Variants in CDC42BPB observed in about 807,000 individuals in gnomAD.
CDC42BPB encodes the protein serine/threonine-protein kinase MRCK beta.
A neutral mutation model predicts 214.9 loss-of-function variants in CDC42BPB; 37 were observed. The ratio of observed to expected loss-of-function variants is 0.17; its 90% CI spans 0.13 to 0.23. CDC42BPB has a LOEUF of 0.23. Among genes scored for constraint, CDC42BPB ranks in the 10% least tolerant of loss-of-function variants. CDC42BPB has a pLI of 1.00. For synonymous variants in CDC42BPB, 931 were observed against 884.0 expected (o/e 1.05, Z -0.94); for missense variants, 1,694 against 2,227.0 (o/e 0.76, Z 4.82).
Position 102,952,411 on chromosome 14 carries a change from C to T in CDC42BPB, c.3172+87G>A, listed in dbSNP as rs148149861. 60 of 798,116 alleles carry T rather than the reference C, an allele frequency of 7.5e-5. No homozygotes were observed. In the African/African-American group the frequency reaches 9.3e-4, roughly 12 times the overall value. The allele number at this position is 798,116 out of a possible 1,614,324, so 49.4% of individuals were successfully genotyped here. A position where few individuals can be genotyped will look rare whatever the true frequency, so the allele number is the denominator to read the frequency against. ...TCACTTTAGTTTGGTTTGCTTGCAT[C>T]AGGGCTGCCCTGGAGCCGGCTGGTG... is the stretch of plus-strand genomic sequence containing the variant. On this transcript the variant is annotated intron_variant, in intron 24 of 36. Transcript: ENST00000361246.
intron 1 of CDC42BPB, among the ~76,000 whole-genome samples, chr14:103,031,987 A>AT (rs751445023): frequency 0.019 from 2,780 of 145,950 alleles, 36 homozygotes; most frequent in African/African-American, 0.023. Context: ...TATTATTATT[A>AT]TTATTTTTTT....
chr14:103,042,900 C>T (rs1028104652), intron 1 of CDC42BPB, among the ~76,000 whole-genome samples: 15 of 152,152 alleles, frequency 9.9e-5, no homozygotes, highest in South Asian at 6.2e-4. Context: ...AGCCTTCACA[C>T]GACCCAGCAA....
chr14:102,937,193 C>T (rs1891679924), intron 36 of CDC42BPB: 1 of 152,384 alleles, frequency 6.6e-6, no homozygotes, highest in Admixed American at 6.5e-5. Context: ...AATCCCATGA[C>T]CAGGAAACAG....
intron 12 of CDC42BPB, 107 bp downstream of exon 12, chr14:102,973,909 C>G (rs1384122865): frequency 1.5e-6 from 2 of 1,366,876 alleles, no homozygotes; most frequent in African/African-American, 2.9e-5. Flanking sequence ...GCAGGGACAG[C>G]CCATGGGCAG....
chr14:103,035,984 T>C (rs576024697), intron 1 of CDC42BPB, among the ~76,000 whole-genome samples: 1 of 152,194 alleles, frequency 6.6e-6, no homozygotes, highest in East Asian at 1.9e-4. Context: ...AAACCTCATC[T>C]GTACAAAAAT....
chr14:102,972,281 G>T, intron 12 of CDC42BPB, 120 bp from the exon 13 acceptor site: 1 of 1,529,732 alleles, frequency 6.5e-7, no homozygotes. Context: ...TTACAGATTA[G>T]AGCCACAGAT....
intron 9 of CDC42BPB, among the ~76,000 whole-genome samples, chr14:102,976,761 G>A (rs774466738): frequency 1.2e-4 from 18 of 152,250 alleles, no homozygotes; most frequent in Admixed American, 3.3e-4. Context: ...CAGGTGGTCT[G>A]AGGGTGCTGG....
chr14:103,051,355 G>A (rs1888596333), intron 1 of CDC42BPB, among the ~76,000 whole-genome samples: 1 of 149,648 alleles, frequency 6.7e-6, no homozygotes, highest in African/African-American at 2.5e-5. Context: ...CGTGGTCAAG[G>A]ACTAATAGGT....
intron 5 of CDC42BPB, among the ~76,000 whole-genome samples, chr14:102,989,173 G>T (rs1167196125): frequency 1.3e-5 from 2 of 152,104 alleles, no homozygotes; most frequent in African/African-American, 4.8e-5. Context: ...TCAACATCAC[G>T]AGAAAGGTGA....
At chr14:102,946,431 C>T in intron 28 of CDC42BPB, 37 bp downstream of exon 28, 1 of 1,609,182 alleles carries the variant, frequency 6.2e-7, no homozygotes. Flanking sequence ...AGTGCTGTTG[C>T]TTCAGACACC....
At chr14:102,989,594 C>T (rs1328974632) in intron 5 of CDC42BPB, among the ~76,000 whole-genome samples, 5 of 152,126 alleles carry the variant, frequency 3.3e-5, no homozygotes, top group East Asian at 1.9e-4. Flanking sequence ...AAGAGCAGGC[C>T]GGGTGCGATG....
intron 14 of CDC42BPB, among the ~76,000 whole-genome samples, chr14:102,969,518 C>T (rs35104312): frequency 0.044 from 6,751 of 152,332 alleles, 495 homozygotes; most frequent in African/African-American, 0.15. Flanking sequence ...CAGGGAGGAA[C>T]AGCATCTCAG....
At chr14:103,048,133 CAGAA>C (rs1290178268) in intron 1 of CDC42BPB, among the ~76,000 whole-genome samples, 1 of 152,156 alleles carries the variant, frequency 6.6e-6, no homozygotes, top group Non-Finnish European at 1.5e-5. Context: ...CAGGCTGAAA[CAGAA>C]AAGTGGCAGG....
At chr14:103,024,153 G>C (rs1231723552) in intron 1 of CDC42BPB, among the ~76,000 whole-genome samples, 1 of 152,250 alleles carries the variant, frequency 6.6e-6, no homozygotes, top group African/African-American at 2.4e-5. Flanking sequence ...GGACAGGAAG[G>C]ACGACGTGAC....
chr14:103,016,180 G>A (rs185633452), intron 1 of CDC42BPB, among the ~76,000 whole-genome samples: 45 of 152,344 alleles, frequency 3.0e-4, no homozygotes, highest in Admixed American at 1.0e-3. Context: ...GCCAGCTGAC[G>A]CTGGGCTCTC....
chr14:102,942,351 A>G (rs1273238004), intron 30 of CDC42BPB, among the ~76,000 whole-genome samples: 1 of 152,204 alleles, frequency 6.6e-6, no homozygotes, highest in Non-Finnish European at 1.5e-5. Context: ...CCTGGGTATG[A>G]TGCCGTCTCA....
At chr14:103,030,507 C>T (rs1464393827) in intron 1 of CDC42BPB, among the ~76,000 whole-genome samples, 1 of 152,080 alleles carries the variant, frequency 6.6e-6, no homozygotes, top group Admixed American at 6.6e-5. Flanking sequence ...ACCAGCCTGG[C>T]CAACATGGTG....
intron 36 of CDC42BPB, among the ~76,000 whole-genome samples, chr14:102,934,339 C>T (rs535618490): frequency 6.6e-6 from 1 of 152,066 alleles, no homozygotes; most frequent in Non-Finnish European, 1.5e-5. Flanking sequence ...TTGGGACCAT[C>T]CTGGCTAACA....
intron 3 of CDC42BPB, among the ~76,000 whole-genome samples, chr14:103,007,412 C>T (rs1034319060): frequency 2.0e-5 from 3 of 152,136 alleles, no homozygotes; most frequent in Non-Finnish European, 2.9e-5. Flanking sequence ...GTACTGTTGT[C>T]GGCCCAAGGT....
Sources: allele counts gnomAD v4.1 joint callset (sites outside exome capture counted in the v4.1 genomes callset), GRCh38; gene constraint gnomAD v4.1.1; transcripts MANE v1.5; gene names NCBI Gene and HGNC (gene_info 2026-07-23, HGNC 2026-07-21).